Variants in ESR1 observed in about 807,000 individuals in gnomAD.
The protein encoded by ESR1 is estrogen receptor.
Under a neutral mutation model 52.7 loss-of-function variants are expected in ESR1, and 12 were observed. The ratio of observed to expected loss-of-function variants is 0.23; its 90% CI spans 0.15 to 0.37. ESR1 has a LOEUF of 0.37. Among genes scored for constraint, ESR1 ranks in the 10% least tolerant of loss-of-function variants. ESR1 has a pLI of 1.00. For synonymous variants in ESR1, 305 were observed against 316.8 expected, an observed-to-expected ratio of 0.96 and a Z score of 0.39; for missense variants, 584 against 779.7, an observed-to-expected ratio of 0.75 and a Z score of 2.99.
intron 2 of ESR1, among the ~76,000 whole-genome samples, chr6:151,734,057 T>C (rs1562364941): frequency 6.6e-6 from 1 of 152,204 alleles, no homozygotes; most frequent in Non-Finnish European, 1.5e-5. Flanking sequence ...TTGAGTCAGA[T>C]TTTTTTGCCT....
chr6:152,006,768 AT>A (rs1169812663), intron 4 of ESR1, among the ~76,000 whole-genome samples: 1 of 152,100 alleles, frequency 6.6e-6, no homozygotes, highest in Non-Finnish European at 1.5e-5. Flanking sequence ...CATGACTGAC[AT>A]TTTGGAGAAC....
chr6:152,028,273 A>G (rs1314410968), intron 5 of ESR1, among the ~76,000 whole-genome samples: 1 of 152,156 alleles, frequency 6.6e-6, no homozygotes, highest in Non-Finnish European at 1.5e-5. Context: ...GGTTCATCTC[A>G]CTGGGGACTA....
chr6:151,942,303 C>CT (rs2035165294), intron 3 of ESR1, among the ~76,000 whole-genome samples: 1 of 152,176 alleles, frequency 6.6e-6, no homozygotes, highest in South Asian at 2.1e-4. Flanking sequence ...TTCAAAATCT[C>CT]TGTTTAACTG....
chr6:151,908,738 G>A (rs1797817409), intron 3 of ESR1, among the ~76,000 whole-genome samples: 1 of 151,990 alleles, frequency 6.6e-6, no homozygotes, highest in Non-Finnish European at 1.5e-5. Context: ...CAGAGTTTCT[G>A]TGAATCATGA....
intron 4 of ESR1, among the ~76,000 whole-genome samples, chr6:151,992,221 G>A (rs949939733): frequency 6.6e-6 from 1 of 152,072 alleles, no homozygotes; most frequent in Non-Finnish European, 1.5e-5. Context: ...GTGGCGTTAA[G>A]TGCATTCACA....
chr6:151,672,884 A>G (rs1374329417), intron 1 of ESR1, among the ~76,000 whole-genome samples: 7 of 144,534 alleles, frequency 4.8e-5, no homozygotes, highest in Non-Finnish European at 7.5e-5. Context: ...GCTGGAGTCC[A>G]GTAGCACGAT....
At chr6:152,035,885 T>C (rs1015090332) in intron 5 of ESR1, among the ~76,000 whole-genome samples, 1 of 152,198 alleles carries the variant, frequency 6.6e-6, no homozygotes, top group Non-Finnish European at 1.5e-5. Context: ...AATCCTTCTT[T>C]ACTCTATGTA....
chr6:151,971,525 G>A (rs2347871), intron 4 of ESR1, among the ~76,000 whole-genome samples: 85,940 of 151,888 alleles, frequency 0.57, 25,712 homozygotes, highest in Middle Eastern at 0.71. Flanking sequence ...ATGCAAAACC[G>A]TGGAAACAAA....
chr6:151,880,541 ACATAGTAAGG>A, intron 2 of ESR1, 104 bp from the exon 3 acceptor site: 2 of 777,598 alleles, frequency 2.6e-6, no homozygotes, highest in South Asian at 2.7e-5. Flanking sequence ...CTGGGGAGCA[ACATAGTAAGG>A]CTGAGGAAGT....
intron 1 of ESR1, among the ~76,000 whole-genome samples, chr6:151,670,197 T>G: frequency 6.6e-6 from 1 of 152,212 alleles, no homozygotes; most frequent in East Asian, 1.9e-4. Context: ...AGCTAGCCTA[T>G]CTTCCTGCAG....
intron 5 of ESR1, among the ~76,000 whole-genome samples, chr6:152,016,435 A>G (rs1443106581): frequency 1.3e-5 from 2 of 152,198 alleles, no homozygotes; most frequent in African/African-American, 2.4e-5. Context: ...AATCATTAAC[A>G]TGCACTAAAT....
At chr6:151,949,922 T>C (rs2036145027) in intron 4 of ESR1, among the ~76,000 whole-genome samples, 1 of 152,214 alleles carries the variant, frequency 6.6e-6, no homozygotes, top group Non-Finnish European at 1.5e-5. Context: ...AGTGATATGG[T>C]TTGCCTGTGT....
chr6:151,933,637 C>A (rs2033985228), intron 3 of ESR1, among the ~76,000 whole-genome samples: 1 of 152,136 alleles, frequency 6.6e-6, no homozygotes, highest in African/African-American at 2.4e-5. Context: ...CCATCAATAC[C>A]TAATTTATTG....
At chr6:151,752,485 T>A (rs984429885) in intron 2 of ESR1, among the ~76,000 whole-genome samples, 8 of 148,774 alleles carry the variant, frequency 5.4e-5, no homozygotes, top group Non-Finnish European at 1.0e-4. Context: ...TTTTTTTTTT[T>A]AGAAATCTAT....
intron 3 of ESR1, among the ~76,000 whole-genome samples, chr6:151,925,602 C>T (rs1014456870): frequency 6.6e-6 from 1 of 152,124 alleles, no homozygotes; most frequent in African/African-American, 2.4e-5. Context: ...AATGAAACTC[C>T]ATCTCAAAAT....
At chr6:152,124,100 G>T (rs1000383255) in intron 6 of ESR1, among the ~76,000 whole-genome samples, 1 of 152,158 alleles carries the variant, frequency 6.6e-6, no homozygotes. Flanking sequence ...GAGGTTGGCG[G>T]ATCACTTGAG....
At chr6:151,786,020 G>A (rs75339025) in intron 2 of ESR1, among the ~76,000 whole-genome samples, 19,244 of 152,102 alleles carry the variant, frequency 0.13, 1,508 homozygotes, top group African/African-American at 0.21. Flanking sequence ...CTTGGTAAGC[G>A]TCACCATTCA....
Position 152,061,143 on chromosome 6 carries a change from A to G in ESR1, c.1369+19A>G. ...AATTCTGGTGAGTTGATAACACAAG[A>G]TAACTCAATGCTGGATGAAATGTTT... On this transcript the variant is annotated intron_variant, in intron 6 of 7. Transcript: ENST00000206249. The surrounding 1 kb of genome is among the most constrained non-coding windows in gnomAD (Gnocchi z 4.3). 4 of 1,611,344 alleles carry G rather than the reference A, an allele frequency of 2.5e-6. No individual in the cohort carries two copies. The highest frequency in any genetic ancestry group is 2.5e-6 in the Non-Finnish European group (3 of 1,177,586).
At chr6:151,887,472 AT>A (rs1179866608) in intron 3 of ESR1, among the ~76,000 whole-genome samples, 2 of 152,170 alleles carry the variant, frequency 1.3e-5, no homozygotes, top group Non-Finnish European at 2.9e-5. Context: ...AGTATTTTAT[AT>A]CAATCAAGCT....
Sources: allele counts gnomAD v4.1 joint callset (sites outside exome capture counted in the v4.1 genomes callset), GRCh38; gene constraint gnomAD v4.1.1; non-coding constraint Gnocchi (gnomAD v3.1); transcripts MANE v1.5; gene names NCBI Gene and HGNC (gene_info 2026-07-23, HGNC 2026-07-21).